GALNT17: variants seen among roughly 807,000 people sequenced by gnomAD.
GALNT17 encodes the protein polypeptide N-acetylgalactosaminyltransferase 17.
Under a neutral mutation model 63.7 loss-of-function variants are expected in GALNT17, and 29 were observed. The ratio of observed to expected loss-of-function variants is 0.46; its 90% CI spans 0.34 to 0.62. GALNT17 has a LOEUF of 0.62. Ranked by LOEUF, GALNT17 falls within the 20% of genes least tolerant of loss-of-function variation. The pLI is 0.01. For missense variants in GALNT17, 603 were observed against 799.6 expected, an observed-to-expected ratio of 0.75 and a Z score of 2.97; for synonymous variants, 305 against 318.3, an observed-to-expected ratio of 0.96 and a Z score of 0.45.
At chr7:71,506,060 A>T (rs1788260796) in intron 5 of GALNT17, among the ~76,000 whole-genome samples, 1 of 152,222 alleles carries the variant, frequency 6.6e-6, no homozygotes, top group Non-Finnish European at 1.5e-5. Context: ...TCCTTTGGAT[A>T]AATACCTAGT....
chr7:71,453,774 C>T (rs754789750), intron 5 of GALNT17, among the ~76,000 whole-genome samples: 26 of 152,316 alleles, frequency 1.7e-4, no homozygotes, highest in African/African-American at 2.4e-4. Flanking sequence ...CCCAGACTTC[C>T]GCTCTTGACT....
intron 5 of GALNT17, among the ~76,000 whole-genome samples, chr7:71,489,622 T>G (rs1011176587): frequency 6.6e-6 from 1 of 152,200 alleles, no homozygotes; most frequent in South Asian, 2.1e-4. Flanking sequence ...CTCAAGAGCC[T>G]GAAGGAGAGA....
rs1350306612 is a variant in GALNT17, at chr7:71,410,539, C to G, written c.590-5350C>G. Among the ~76,000 whole-genome samples the G allele has an allele frequency of 2.0e-5, 3 of 152,324 alleles. No individual in the cohort carries two copies. The Middle Eastern group carries it at 0.01, about 518-fold the overall frequency. Reference sequence around the variant, plus strand: ...GGGATTATAGGTGTGAGCCATCACACCCAGCCTCCTGATTAATTTTATAAA... The same window carrying G: ...GGGATTATAGGTGTGAGCCATCACAGCCAGCCTCCTGATTAATTTTATAAA... On this transcript the variant is annotated intron_variant, in intron 3 of 10. Coordinates refer to ENST00000333538, the MANE Select transcript of GALNT17 (RefSeq NM_022479.3).
chr7:71,697,995 C>T (rs1181032638), intron 9 of GALNT17, among the ~76,000 whole-genome samples: 3 of 151,668 alleles, frequency 2.0e-5, no homozygotes, highest in African/African-American at 7.3e-5. Flanking sequence ...TGGTGGTGGG[C>T]GCCTGTAATC....
chr7:71,609,163 T>C (rs1360435262), intron 6 of GALNT17, among the ~76,000 whole-genome samples: 1 of 152,188 alleles, frequency 6.6e-6, no homozygotes, highest in East Asian at 1.9e-4. Flanking sequence ...ATCACAGCCT[T>C]GATGTCTATA....
intron 2 of GALNT17, among the ~76,000 whole-genome samples, chr7:71,344,483 T>C (rs1429618171): frequency 6.6e-6 from 1 of 152,100 alleles, no homozygotes; most frequent in African/African-American, 2.4e-5. Context: ...GTTCTAGCCC[T>C]GGGTGGGGAC....
intron 1 of GALNT17, among the ~76,000 whole-genome samples, chr7:71,158,943 A>C (rs1019096029): frequency 6.6e-6 from 1 of 151,906 alleles, no homozygotes; most frequent in African/African-American, 2.4e-5. Flanking sequence ...AATATGTTTC[A>C]TTCTGTTTGC....
intron 1 of GALNT17, among the ~76,000 whole-genome samples, chr7:71,244,599 C>T (rs562976970): frequency 3.9e-5 from 6 of 152,218 alleles, no homozygotes; most frequent in Admixed American, 1.3e-4. Context: ...AGAGAGATTA[C>T]GTGACAACTT....
chr7:71,439,496 C>T lies in GALNT17; in HGVS notation c.962+18391C>T, dbSNP rs142454997. 3.3e-5 allele frequency among the ~76,000 whole-genome samples: 5 copies of T among 152,268 alleles called. No individual in the cohort carries two copies. The South Asian group carries it at 6.2e-4, about 19-fold the overall frequency. ...CCTAGAGCTGGAGCAACATTAGCAA[C>T]GTAAACTTTCTCTGCGATGACAAGC... On this transcript the variant is annotated intron_variant, in intron 5 of 10. Transcript: ENST00000333538.
chr7:71,689,605 A>G (rs1791411488), intron 9 of GALNT17, among the ~76,000 whole-genome samples: 1 of 152,228 alleles, frequency 6.6e-6, no homozygotes, highest in Non-Finnish European at 1.5e-5. Flanking sequence ...GTTTAAGGAA[A>G]GAAGCTGTCT....
At chr7:71,686,235 G>T (rs772426074) in intron 9 of GALNT17, among the ~76,000 whole-genome samples, 1 of 152,080 alleles carries the variant, frequency 6.6e-6, no homozygotes, top group East Asian at 1.9e-4. Flanking sequence ...AATTACAGGC[G>T]TAAGCCACGG....
chr7:71,278,069 A>T (rs1790713390), intron 1 of GALNT17, among the ~76,000 whole-genome samples: 1 of 152,204 alleles, frequency 6.6e-6, no homozygotes, highest in African/African-American at 2.4e-5. Context: ...ATGTGTGCCC[A>T]GGAGAGGGTG....
intron 5 of GALNT17, among the ~76,000 whole-genome samples, chr7:71,486,907 G>C (rs2116660287): frequency 6.6e-6 from 1 of 152,100 alleles, no homozygotes; most frequent in East Asian, 1.9e-4. Context: ...CCTGCTGGTG[G>C]ATTGTTGCCT....
intron 1 of GALNT17, among the ~76,000 whole-genome samples, chr7:71,314,491 A>G (rs1408377858): frequency 6.6e-6 from 1 of 152,192 alleles, no homozygotes; most frequent in Non-Finnish European, 1.5e-5. Context: ...CAAAAAGGCC[A>G]CTCCAAGCGT....
At chr7:71,707,668 G>C (rs1791740094) in intron 9 of GALNT17, among the ~76,000 whole-genome samples, 1 of 152,200 alleles carries the variant, frequency 6.6e-6, no homozygotes, top group Admixed American at 6.5e-5. Context: ...GGTTGGCTGA[G>C]GGCTCCCTGA....
chr7:71,362,655 T>C (rs776048338), intron 2 of GALNT17, among the ~76,000 whole-genome samples: 8 of 152,178 alleles, frequency 5.3e-5, no homozygotes, highest in Non-Finnish European at 1.2e-4. Context: ...CTTTTTTTCA[T>C]GGCCAAGATG....
chr7:71,484,962 CTTTTTTTTTT>C (rs779772231), intron 5 of GALNT17, among the ~76,000 whole-genome samples: 1 of 47,558 alleles, frequency 2.1e-5, no homozygotes, highest in Non-Finnish European at 3.8e-5. Context: ...CCACACCTGG[CTTTTTTTTTT>C]TTTTTTTTTT....
At chr7:71,551,704 G>C (rs1056369294) in intron 5 of GALNT17, among the ~76,000 whole-genome samples, 1 of 150,862 alleles carries the variant, frequency 6.6e-6, no homozygotes, top group East Asian at 1.9e-4. Context: ...GGTACATTGA[G>C]CTATGATCAC....
chr7:71,564,593 A>G (rs532583157), intron 5 of GALNT17, among the ~76,000 whole-genome samples: 1 of 109,210 alleles, frequency 9.2e-6, no homozygotes, highest in Non-Finnish European at 1.9e-5. Flanking sequence ...GCCAGTTAGG[A>G]CAATTTTCCT....
Sources: gnomAD v4.1 joint callset for allele counts (sites outside exome capture counted in the v4.1 genomes callset) on GRCh38, gnomAD v4.1.1 for gene constraint, MANE v1.5 for transcripts, NCBI Gene and HGNC (gene_info 2026-07-23, HGNC 2026-07-21) for gene names.